The following P4HTM variants were observed in gnomAD, a reference collection of about 807,000 sequenced individuals.
P4HTM encodes prolyl 4-hydroxylase, transmembrane.
A neutral mutation model predicts 55.3 loss-of-function variants in P4HTM; 33 were observed. The observed-to-expected ratio is 0.60, with a 90% CI of 0.45 to 0.80. P4HTM has a LOEUF of 0.80. P4HTM is among the 30% of genes least tolerant of loss of function. P4HTM has a pLI of 0.00. For missense variants in P4HTM, 542 were observed against 696.5 expected (o/e 0.78, Z 2.50); for synonymous variants, 272 against 286.4 (o/e 0.95, Z 0.51).
Position 49,005,810 on chromosome 3 carries a change from C to T in P4HTM, c.1107C>T (p.Val369=), listed in dbSNP as rs766648258. The T allele has an allele frequency of 1.9e-6, 3 of 1,594,614 alleles. No homozygotes were observed. The highest frequency in any genetic ancestry group is 2.3e-5 in the South Asian group (2 of 87,844). ...YMTVLFYLNN[V]TGGGETVFPV... ...CAGTGCTGTTTTATTTGAACAACGT[C>T]ACTGGTGGGGGCGAGACTGTTTTCC... Residue 369 remains valine (V), a synonymous_variant, in exon 7 of 9, where the codon GTC becomes GTT. Transcript: ENST00000383729.
rs748158739 is a variant in P4HTM at position 49,006,884 on chromosome 3, C to G, written c.1486C>G (p.Arg496Gly). The change falls in exon 9 of 9, where the codon CGC (arginine) becomes GGC (glycine). Residue 496 changes from arginine (R) to glycine (G), a missense_variant. By Grantham distance (125) the Arg-to-Gly change is moderately radical. Coordinates refer to ENST00000383729, the MANE Select transcript of P4HTM (RefSeq NM_177939.3). ...QPEWALDRAY[R>G]DARVEL ...CGAGTGGGCTCTGGACCGGGCCTAC[C>G]GCGATGCGCGCGTGGAACTCTGAGG... 1 of 1,612,336 alleles carries G rather than the reference C, an allele frequency of 6.2e-7. No individual in the cohort carries two copies. The highest frequency in any genetic ancestry group is 8.5e-7 in the Non-Finnish European group (1 of 1,179,568).
In P4HTM at chr3:49,002,823, C is replaced by T; in HGVS notation, c.724+227C>T. ...CTTGGTGATGGTCTCGAGGGCAGTTCTTGGAGACCCTTTTGATAACATCAG... is the reference window on the plus strand; with the variant it reads ...CTTGGTGATGGTCTCGAGGGCAGTTTTTGGAGACCCTTTTGATAACATCAG... On this transcript the variant is annotated intron_variant, in intron 4 of 8. Transcript: ENST00000383729. The surrounding 1 kb of genome is among the most constrained non-coding windows in gnomAD (Gnocchi z 4.4). The T allele has an allele frequency of 1.6e-6, 1 of 620,670 alleles. No homozygotes were observed. The highest frequency in any genetic ancestry group is 2.9e-6 in the Non-Finnish European group (1 of 339,086). 38.4% of individuals were successfully genotyped at this position (620,670 alleles called of 1,614,324 possible). A position where few individuals can be genotyped will look rare whatever the true frequency, so the allele number is the denominator to read the frequency against.
In P4HTM at chr3:48,999,023, C is replaced by T. The variant is rs551722137; in HGVS notation, c.437-2415C>T. ...GACTTGTCCACCTGCCCTATCTTGA[C>T]ATTCAAGAGCCCTTGACCACCATTG... On this transcript the variant is annotated intron_variant, in intron 2 of 8. Coordinates refer to ENST00000383729, the MANE Select transcript of P4HTM (RefSeq NM_177939.3). The surrounding 1 kb of genome is among the most constrained non-coding windows in gnomAD (Gnocchi z 4.8). 2.0e-5 allele frequency among the ~76,000 whole-genome samples: 3 copies of T among 152,194 alleles called. No homozygotes were observed. Among genetic ancestry groups the T allele is most frequent in the Non-Finnish European group, 2.9e-5 (2 of 68,032 alleles).
rs149345145 is a variant in P4HTM at position 49,001,568 on chromosome 3, C to G, written c.567C>G (p.Ser189Arg). Reference protein sequence around the residue: ...YEEAMSTMQVSQLDLFRLLDQ... With the variant: ...YEEAMSTMQVRQLDLFRLLDQ... ...AGGCAATGAGCACTATGCAGGTCAG[C>G]CAGCTGGACCTCTTCCGGCTGCTGG... The change falls in exon 3 of 9, where the codon AGC (serine) becomes AGG (arginine). Residue 189 changes from serine (S) to arginine (R), a missense_variant. By Grantham distance (110) the Ser-to-Arg change is moderately radical. Coordinates refer to ENST00000383729, the MANE Select transcript of P4HTM (RefSeq NM_177939.3). 4.3e-6 allele frequency: 7 copies of G among 1,613,604 alleles called. No individual in the cohort carries two copies. The African/African-American group carries it at 9.3e-5, about 22-fold the overall frequency.
chr3:49,006,305 C>A, intron 8 of P4HTM, 118 bp downstream of exon 8: 1 of 1,154,320 alleles, frequency 8.7e-7, no homozygotes. Context: ...TTTTCTGCTC[C>A]TGGTGCCTCC....
In P4HTM at chr3:49,006,168, C is replaced by T. The variant is rs778063783; in HGVS notation, c.1269C>T (p.Asn423=). ...PQQGTAVFWY[N]YLPDGQGWVG... is the part of the protein sequence containing the mutation. ...AGGGCACAGCAGTCTTCTGGTACAACTACCTGCCTGATGGGCAAGGTGAGG... is the reference window on the plus strand; with the variant it reads ...AGGGCACAGCAGTCTTCTGGTACAATTACCTGCCTGATGGGCAAGGTGAGG... The change falls in exon 8 of 9, where the codon AAC becomes AAT. Residue 423 remains asparagine (N), a synonymous_variant. Coordinates refer to ENST00000383729, the MANE Select transcript of P4HTM (RefSeq NM_177939.3). 1.9e-6 allele frequency: 3 copies of T among 1,612,580 alleles called. No individual in the cohort carries two copies. In the South Asian group the frequency reaches 3.3e-5, roughly 18 times the overall value.
Position 49,002,549 on chromosome 3 carries a change from G to A in P4HTM, c.677G>A (p.Ser226Asn), listed in dbSNP as rs145882337. ...AATGGATGGTGGATGACTCCAGAGA[G>A]CATTCAGGAGATGTACGCCGCGATC... ...LGNGWWMTPE[S>N]IQEMYAAIKA... The change falls in exon 4 of 9, where the codon AGC becomes AAC. Residue 226 changes from serine (S) to asparagine (N), a missense_variant. Physicochemically the swap from Ser to Asn is conservative, Grantham distance 46. Coordinates refer to ENST00000383729, the MANE Select transcript of P4HTM (RefSeq NM_177939.3). The surrounding 1 kb of genome is among the most constrained non-coding windows in gnomAD (Gnocchi z 4.4). The A allele has an allele frequency of 1.1e-3, 1,844 of 1,614,120 alleles. 3 individuals carry two copies. Among genetic ancestry groups the A allele is most frequent in the South Asian group, 2.5e-3 (227 of 91,092 alleles).
chr3:49,001,690 G>T (rs1461845301), intron 3 of P4HTM, 62 bp downstream of exon 3: 33 of 1,435,994 alleles, frequency 2.3e-5, no homozygotes, highest in Non-Finnish European at 3.1e-5. Flanking sequence ...CTTTCTGGTG[G>T]CCAGGTCACT....
At chr3:48,998,944 G>A (rs930260955) in intron 2 of P4HTM, among the ~76,000 whole-genome samples, 6 of 152,098 alleles carry the variant, frequency 3.9e-5, no homozygotes, top group African/African-American at 1.4e-4. Context: ...TAGCTTCCAC[G>A]CCTCATTGGA....
At chr3:49,005,934 C>T in intron 7 of P4HTM, 67 bp downstream of exon 7, 1 of 1,535,128 alleles carries the variant, frequency 6.5e-7, no homozygotes. Context: ...GTACACACCT[C>T]TCCAGGTCTA....
Position 49,004,988 on chromosome 3 carries a change from A to C in P4HTM, c.1015A>C (p.Ile339Leu), listed in dbSNP as rs1424843162. Reference sequence around the variant, plus strand: ...CAGTGGGCCTGTGTACCCAGAGACCATCTGCTCCCATACCAAGCTGGTAGC... The same window carrying C: ...CAGTGGGCCTGTGTACCCAGAGACCCTCTGCTCCCATACCAAGCTGGTAGC... ...VDSGPVYPET[I>L]CSHTKLVANE... is the part of the protein sequence containing the mutation. The change falls in exon 6 of 9, where the codon ATC becomes CTC. Residue 339 changes from isoleucine to leucine, a missense_variant. Coordinates refer to ENST00000383729, the MANE Select transcript of P4HTM (RefSeq NM_177939.3). 6.2e-7 allele frequency: 1 copy of C among 1,613,982 alleles called. No individual in the cohort carries two copies. Among genetic ancestry groups the C allele is most frequent in the East Asian group, 2.2e-5 (1 of 44,888 alleles).
intron 2 of P4HTM, among the ~76,000 whole-genome samples, chr3:48,993,214 A>G (rs2092935903): frequency 6.6e-6 from 1 of 151,758 alleles, no homozygotes; most frequent in African/African-American, 2.4e-5. Flanking sequence ...AGGCAGGAGA[A>G]TCGCTTGAAC....
In P4HTM at chr3:49,002,591, G is replaced by A; in HGVS notation, c.719G>A (p.Gly240Asp). Residue 240 changes from glycine (G) to aspartate (D), a missense_variant, in exon 4 of 9, where the codon GGT (glycine) becomes GAT (aspartate). By Grantham distance (94) the Gly-to-Asp change is moderately conservative. Transcript: ENST00000383729. This position sits in a 1 kb window ranked among gnomAD's most constrained non-coding sequence, Gnocchi z 4.4. ...GCCGCGATCAAGGCTGACCCTGATGGTGACGGTGAGCTCACACCTCTGCAC... is the reference window on the plus strand; with the variant it reads ...GCCGCGATCAAGGCTGACCCTGATGATGACGGTGAGCTCACACCTCTGCAC... ...MYAAIKADPD[G>D]DGVLSLQEFS... 1 of 1,610,344 alleles carries A rather than the reference G, an allele frequency of 6.2e-7. No homozygotes were observed. The highest frequency in any genetic ancestry group is 8.5e-7 in the Non-Finnish European group (1 of 1,176,560).
chr3:49,004,396 T>C (rs542416538), intron 5 of P4HTM, 136 bp downstream of exon 5: 1 of 943,222 alleles, frequency 1.1e-6, no homozygotes, highest in South Asian at 1.8e-5. Flanking sequence ...TAGACCAGGA[T>C]TGGGACCCAC....
In P4HTM at chr3:49,005,018, G is replaced by A. The variant is rs1172049322; in HGVS notation, c.1045G>A (p.Glu349Lys). 2 of 1,614,068 alleles carry A rather than the reference G, an allele frequency of 1.2e-6. No individual in the cohort carries two copies. Among genetic ancestry groups the A allele is most frequent in the Non-Finnish European group, 8.5e-7 (1 of 1,180,040 alleles). The change falls in exon 6 of 9, where the codon GAG (glutamate) becomes AAG (lysine). Residue 349 changes from glutamate to lysine, a missense_variant. Transcript: ENST00000383729. ...ICSHTKLVANESVPFETSCRY... is the reference protein window; with the variant it reads ...ICSHTKLVANKSVPFETSCRY... ...CTCCCATACCAAGCTGGTAGCCAAC[G>A]AGTCTGTACCCTTCGAGACCTCCTG...
intron 2 of P4HTM, among the ~76,000 whole-genome samples, chr3:48,998,617 C>T (rs768481832): frequency 2.0e-5 from 3 of 152,206 alleles, no homozygotes; most frequent in Non-Finnish European, 4.4e-5. Flanking sequence ...GCTCTGTGGA[C>T]ATCCATTGTC....
chr3:49,003,877 A>G, intron 4 of P4HTM: 1 of 522,136 alleles, frequency 1.9e-6, no homozygotes, highest in Non-Finnish European at 3.4e-6. Flanking sequence ...TAGGGCTTAA[A>G]CTGAGAAAAG....
intron 7 of P4HTM, 87 bp downstream of exon 7, chr3:49,005,954 G>A (rs2092978262): frequency 2.6e-6 from 4 of 1,540,732 alleles, no homozygotes; most frequent in Admixed American, 3.7e-5. Context: ...AAGGATGTGG[G>A]CCCAAATTAT....
intron 2 of P4HTM, chr3:48,991,426 C>G (rs1423610244): frequency 6.5e-6 from 1 of 153,900 alleles, no homozygotes; most frequent in Admixed American, 6.4e-5. Flanking sequence ...AAGGTGAAGT[C>G]TTTGTTCAGC....
Sources: gnomAD v4.1 joint callset for allele counts (sites outside exome capture counted in the v4.1 genomes callset) on GRCh38, gnomAD v4.1.1 for gene constraint, Gnocchi (gnomAD v3.1) non-coding constraint, MANE v1.5 for transcripts, NCBI Gene and HGNC (gene_info 2026-07-23, HGNC 2026-07-21) for gene names.